The following GRID1 variants were observed in gnomAD, a reference collection of about 807,000 sequenced individuals.
GRID1 encodes the protein glutamate receptor ionotropic, delta-1.
Under a neutral mutation model 98.0 loss-of-function variants are expected in GRID1, and 28 were observed. The ratio of observed to expected loss-of-function variants is 0.29; its 90% CI spans 0.21 to 0.39. GRID1 has a LOEUF of 0.39. Among genes scored for constraint, GRID1 ranks in the 10% least tolerant of loss-of-function variants. The pLI, the probability that GRID1 is intolerant of heterozygous loss-of-function variation, is 1.00. For missense variants in GRID1, 1,111 were observed against 1,340.5 expected, an observed-to-expected ratio of 0.83 and a Z score of 2.67; for synonymous variants, 553 against 538.5, an observed-to-expected ratio of 1.03 and a Z score of -0.37.
chr10:85,769,945 C>G (rs980866790), intron 8 of GRID1, among the ~76,000 whole-genome samples: 13 of 152,192 alleles, frequency 8.5e-5, no homozygotes, highest in Admixed American at 5.9e-4. Flanking sequence ...ACTTAAATGT[C>G]CCTGTCTGAC....
chr10:85,793,946 G>T (rs191226096), intron 8 of GRID1, among the ~76,000 whole-genome samples: 1 of 152,290 alleles, frequency 6.6e-6, no homozygotes, highest in African/African-American at 2.4e-5. Context: ...GAATTAAACA[G>T]ATTTCTTTAC....
chr10:85,894,485 A>G (rs79186910), intron 5 of GRID1, among the ~76,000 whole-genome samples: 5,468 of 152,278 alleles, frequency 0.036, 135 homozygotes, highest in Middle Eastern at 0.068. Flanking sequence ...GAGATTAGGT[A>G]GAGGTAGAAA....
At chr10:85,857,837 A>G (rs564385735) in intron 6 of GRID1, among the ~76,000 whole-genome samples, 4 of 152,226 alleles carry the variant, frequency 2.6e-5, no homozygotes, top group East Asian at 1.9e-4. Flanking sequence ...ACTCTCCTCA[A>G]TATGTCCCTG....
At chr10:85,996,270 A>G (rs939368016) in intron 4 of GRID1, among the ~76,000 whole-genome samples, 9 of 152,236 alleles carry the variant, frequency 5.9e-5, no homozygotes, top group African/African-American at 1.9e-4. Context: ...ACGTGGATGT[A>G]ATTTTCTGGC....
chr10:86,255,957 G>C (rs139843490), intron 2 of GRID1, among the ~76,000 whole-genome samples: 1 of 152,152 alleles, frequency 6.6e-6, no homozygotes, highest in African/African-American at 2.4e-5. Flanking sequence ...CACAACAGCC[G>C]GTAACCAGGG....
intron 8 of GRID1, among the ~76,000 whole-genome samples, chr10:85,738,534 G>A (rs1257780768): frequency 6.6e-6 from 1 of 152,132 alleles, no homozygotes; most frequent in Non-Finnish European, 1.5e-5. Context: ...TCCATACAAA[G>A]GTCCATATGT....
At chr10:85,658,931 G>C (rs1215566540) in intron 12 of GRID1, among the ~76,000 whole-genome samples, 2 of 152,230 alleles carry the variant, frequency 1.3e-5, no homozygotes, top group African/African-American at 4.8e-5. Context: ...GAATAGGATT[G>C]CAGGACAATT....
At chr10:86,225,475 T>C (rs1846327180) in intron 2 of GRID1, among the ~76,000 whole-genome samples, 1 of 152,218 alleles carries the variant, frequency 6.6e-6, no homozygotes, top group Non-Finnish European at 1.5e-5. Flanking sequence ...CACGGCAATT[T>C]GCACTCTTCT....
At chr10:85,938,792 T>G (rs542762989) in intron 4 of GRID1, among the ~76,000 whole-genome samples, 1 of 152,318 alleles carries the variant, frequency 6.6e-6, no homozygotes, top group Admixed American at 6.5e-5. Context: ...TAATCGCAGG[T>G]AGTCATTTAA....
chr10:86,045,803 CA>C (rs1843415283), intron 4 of GRID1, among the ~76,000 whole-genome samples: 1 of 152,158 alleles, frequency 6.6e-6, no homozygotes, highest in Non-Finnish European at 1.5e-5. Context: ...TGGTTGGAAA[CA>C]GAGGAGGACT....
At chr10:86,276,446 A>G (rs1847270374) in intron 2 of GRID1, among the ~76,000 whole-genome samples, 1 of 152,092 alleles carries the variant, frequency 6.6e-6, no homozygotes, top group African/African-American at 2.4e-5. Context: ...ACTGTGTGTC[A>G]GGACTTCAAC....
intron 8 of GRID1, among the ~76,000 whole-genome samples, chr10:85,737,643 CAGAT>C (rs1164240786): frequency 9.1e-5 from 4 of 43,946 alleles, no homozygotes; most frequent in South Asian, 6.6e-4. Context: ...ACAGTAAAGC[CAGAT>C]ATATATATAT....
At chr10:86,102,657 G>A (rs575819131) in intron 4 of GRID1, among the ~76,000 whole-genome samples, 1 of 152,354 alleles carries the variant, frequency 6.6e-6, no homozygotes, top group South Asian at 2.1e-4. Context: ...GCCCTACCTG[G>A]GAGCAGTGCC....
intron 2 of GRID1, among the ~76,000 whole-genome samples, chr10:86,270,558 T>C (rs760231015): frequency 4.9e-4 from 75 of 152,122 alleles, no homozygotes; most frequent in Admixed American, 2.0e-3. Context: ...GGTGTGGTGG[T>C]GCGTGCCTGT....
rs376508570 is a variant in GRID1, at chr10:86,028,019, C to A, written c.726+110800G>T. On this transcript the variant is annotated intron_variant, in intron 4 of 15. Transcript: ENST00000327946. Reference sequence around the variant, plus strand: ...CCACTCCTGGAGGTAAGAGTTAATACCCCGTGATGTATGGATGAGAAAATT... The same window carrying A: ...CCACTCCTGGAGGTAAGAGTTAATAACCCGTGATGTATGGATGAGAAAATT... Among the ~76,000 whole-genome samples the A allele has an allele frequency of 1.2e-4, 18 of 152,260 alleles. No homozygotes were observed. The East Asian group carries it at 2.9e-3, about 24-fold the overall frequency.
chr10:85,878,296 G>A (rs1840934735), intron 5 of GRID1, among the ~76,000 whole-genome samples: 1 of 151,926 alleles, frequency 6.6e-6, no homozygotes, highest in African/African-American at 2.4e-5. Context: ...CTCAAGAAGA[G>A]CAACTCCAAG....
chr10:85,743,621 A>T (rs1392286864), intron 8 of GRID1, among the ~76,000 whole-genome samples: 1 of 152,160 alleles, frequency 6.6e-6, no homozygotes, highest in Non-Finnish European at 1.5e-5. Context: ...TTAGGGGAAA[A>T]TATTGGAAGC....
At chr10:86,050,559 T>C (rs553861779) in intron 4 of GRID1, among the ~76,000 whole-genome samples, 2 of 152,166 alleles carry the variant, frequency 1.3e-5, no homozygotes, top group South Asian at 2.1e-4. Flanking sequence ...CAATGATGAA[T>C]TTGAAGATTT....
At chr10:85,983,868 A>C (rs1842576343) in intron 4 of GRID1, among the ~76,000 whole-genome samples, 1 of 152,090 alleles carries the variant, frequency 6.6e-6, no homozygotes, top group Non-Finnish European at 1.5e-5. Flanking sequence ...GGGGTTGCTA[A>C]AGAAAAGGCC....
Sources: gnomAD v4.1 joint callset for allele counts (sites outside exome capture counted in the v4.1 genomes callset) on GRCh38, gnomAD v4.1.1 for gene constraint, MANE v1.5 for transcripts, NCBI Gene and HGNC (gene_info 2026-07-23, HGNC 2026-07-21) for gene names.